CDH13: variants seen among roughly 807,000 people sequenced by gnomAD.
CDH13 encodes the protein cadherin-13.
Under a neutral mutation model 63.8 loss-of-function variants are expected in CDH13, and 24 were observed. That is an observed-to-expected ratio of 0.38 (90% CI 0.27 to 0.53). The LOEUF (loss-of-function observed/expected upper bound fraction) is 0.53. Among genes scored for constraint, CDH13 ranks in the 20% least tolerant of loss-of-function variants. The pLI is 0.85. For missense variants in CDH13, 1,049 were observed against 903.1 expected (o/e 1.16, Z -2.07); for synonymous variants, 503 against 355.3 (o/e 1.42, Z -4.67).
chr16:83,689,829 C>G (rs1379199695), intron 10 of CDH13, among the ~76,000 whole-genome samples: 1 of 152,228 alleles, frequency 6.6e-6, no homozygotes, highest in Non-Finnish European at 1.5e-5. Context: ...ATTCATCCCA[C>G]ACCTGCAACA....
chr16:82,897,077 G>T (rs909691229), intron 2 of CDH13, among the ~76,000 whole-genome samples: 5 of 152,052 alleles, frequency 3.3e-5, no homozygotes, highest in African/African-American at 1.2e-4. Context: ...ACCGTGCCCT[G>T]CCACACTGCT....
At position 82,750,083 on chromosome 16, in the gene CDH13, C is replaced by G. The variant is rs528591537; in HGVS notation, c.46-108279C>G. 3.3e-5 allele frequency among the ~76,000 whole-genome samples: 5 copies of G among 152,186 alleles called. No individual in the cohort carries two copies. The East Asian group carries it at 9.7e-4, about 29-fold the overall frequency. On this transcript the variant is annotated intron_variant, in intron 1 of 13. Coordinates refer to ENST00000567109, the MANE Select transcript of CDH13 (RefSeq NM_001257.5). ...AGGAGTTGCACCAAAAAGAGACTCT[C>G]CTTCTAAACATCTGTGTGTGATTCC...
chr16:82,859,451 G>A (rs1025257360), intron 2 of CDH13: 4 of 152,232 alleles, frequency 2.6e-5, no homozygotes, highest in East Asian at 1.9e-4. Context: ...CCAGCTACGC[G>A]GGAGGCTGCG....
intron 2 of CDH13, among the ~76,000 whole-genome samples, chr16:82,878,685 G>C (rs1361451573): frequency 6.6e-6 from 1 of 151,162 alleles, no homozygotes; most frequent in African/African-American, 2.4e-5. Flanking sequence ...AATGGCGGGG[G>C]TTGGGGAGAC....
chr16:83,688,892 A>T (rs1253171506), intron 10 of CDH13, among the ~76,000 whole-genome samples: 1 of 152,206 alleles, frequency 6.6e-6, no homozygotes, highest in African/African-American at 2.4e-5. Context: ...AAATTAAACT[A>T]TGGGATTTTT....
At chr16:83,589,288 G>A (rs1249323748) in intron 7 of CDH13, among the ~76,000 whole-genome samples, 1 of 22,658 alleles carries the variant, frequency 4.4e-5, no homozygotes, top group Non-Finnish European at 9.0e-5. Context: ...TCCCCCCCCC[G>A]GACCCCTCTC....
At chr16:82,737,330 G>T (rs2033724201) in intron 1 of CDH13, among the ~76,000 whole-genome samples, 1 of 152,172 alleles carries the variant, frequency 6.6e-6, no homozygotes, top group Admixed American at 6.5e-5. Context: ...ATGGACCCAG[G>T]GGTCATGTGC....
At chr16:83,674,131 G>C (rs1056246564) in intron 9 of CDH13, among the ~76,000 whole-genome samples, 2 of 152,180 alleles carry the variant, frequency 1.3e-5, no homozygotes, top group African/African-American at 4.8e-5. Flanking sequence ...GCAACCATCA[G>C]GGATGCATTC....
intron 5 of CDH13, among the ~76,000 whole-genome samples, chr16:83,340,173 T>G (rs1265012057): frequency 6.6e-6 from 1 of 152,248 alleles, no homozygotes; most frequent in Non-Finnish European, 1.5e-5. Flanking sequence ...AATATGATTT[T>G]TAAGCATTCA....
intron 7 of CDH13, among the ~76,000 whole-genome samples, chr16:83,495,349 G>GT (rs1387530334): frequency 6.6e-6 from 1 of 152,200 alleles, no homozygotes; most frequent in African/African-American, 2.4e-5. Context: ...GGTTGAAAGA[G>GT]TTTAAAGACC....
At chr16:82,923,225 T>G (rs1312750798) in intron 2 of CDH13, among the ~76,000 whole-genome samples, 1 of 152,224 alleles carries the variant, frequency 6.6e-6, no homozygotes, top group Admixed American at 6.5e-5. Context: ...TGTAATAATT[T>G]CTGTCACATG....
At chr16:83,441,780 G>C (rs934759991) in intron 6 of CDH13, among the ~76,000 whole-genome samples, 1 of 152,182 alleles carries the variant, frequency 6.6e-6, no homozygotes, top group Non-Finnish European at 1.5e-5. Context: ...ATGAGTAAAT[G>C]TGATGATGAT....
At chr16:83,367,027 G>T (rs1249526692) in intron 6 of CDH13, among the ~76,000 whole-genome samples, 2 of 151,626 alleles carry the variant, frequency 1.3e-5, no homozygotes, top group Non-Finnish European at 2.9e-5. Flanking sequence ...AATGTTTTTT[G>T]GTCTATTTAT....
rs557524122 is a variant in CDH13, at chr16:82,791,967, C to A, written c.46-66395C>A. On this transcript the variant is annotated intron_variant, in intron 1 of 13. Transcript: ENST00000567109. The stretch of plus-strand genomic sequence containing the variant: ...ATCTTGGGAGCTCTAAGAACAAAGA[C>A]CCGCCCGTATCATGGGGATTACAAT... 2.6e-5 allele frequency among the ~76,000 whole-genome samples: 4 copies of A among 152,260 alleles called. No homozygotes were observed. The South Asian group carries it at 6.2e-4, about 24-fold the overall frequency.
chr16:82,745,385 A>G (rs1351160790), intron 1 of CDH13, among the ~76,000 whole-genome samples: 1 of 152,240 alleles, frequency 6.6e-6, no homozygotes, highest in African/African-American at 2.4e-5. Context: ...TAAAGTCAGC[A>G]GTAACAACAT....
intron 6 of CDH13, among the ~76,000 whole-genome samples, chr16:83,440,567 T>C (rs1186640205): frequency 1.3e-5 from 2 of 151,940 alleles, no homozygotes; most frequent in Non-Finnish European, 2.9e-5. Context: ...ATCTCTTGAG[T>C]TGAGGTCAGG....
At chr16:83,419,095 C>T (rs996695245) in intron 6 of CDH13, among the ~76,000 whole-genome samples, 25 of 152,094 alleles carry the variant, frequency 1.6e-4, no homozygotes, top group African/African-American at 5.8e-4. Context: ...AAAAGGGCAG[C>T]GTGAAGACCT....
chr16:82,719,396 C>A (rs548359407), intron 1 of CDH13: 2 of 455,890 alleles, frequency 4.4e-6, no homozygotes, highest in Admixed American at 2.4e-5. Context: ...CAGTTCCAGG[C>A]CCTTCCACTG....
At chr16:82,855,285 G>A (rs962875457) in intron 1 of CDH13, among the ~76,000 whole-genome samples, 3 of 152,160 alleles carry the variant, frequency 2.0e-5, no homozygotes, top group Non-Finnish European at 2.9e-5. Flanking sequence ...CAAAGATGGA[G>A]AACACAGCTC....
Sources: gnomAD v4.1 joint callset for allele counts (sites outside exome capture counted in the v4.1 genomes callset) on GRCh38, gnomAD v4.1.1 for gene constraint, MANE v1.5 for transcripts, NCBI Gene and HGNC (gene_info 2026-07-23, HGNC 2026-07-21) for gene names.